The following RBFOX2 variants were observed in gnomAD, a reference collection of about 807,000 sequenced individuals.
The protein encoded by RBFOX2 is RNA binding fox-1 homolog 2.
In RBFOX2, 10 loss-of-function variants were observed where a neutral mutation model predicts 49.1. The observed-to-expected ratio is 0.20, with a 90% confidence interval of 0.13 to 0.35. The LOEUF (loss-of-function observed/expected upper bound fraction) is 0.35, where lower values mean the gene tolerates loss of function less well. Ranked by LOEUF, RBFOX2 falls within the 10% of genes least tolerant of loss-of-function variation. RBFOX2 has a pLI of 1.00. For missense variants in RBFOX2, 323 were observed against 486.9 expected, an observed-to-expected ratio of 0.66 and a Z score of 3.17; for synonymous variants, 183 against 187.4, an observed-to-expected ratio of 0.98 and a Z score of 0.19.
intron 1 of RBFOX2, among the ~76,000 whole-genome samples, chr22:35,855,550 C>T (rs1361738155): frequency 2.0e-5 from 3 of 152,042 alleles, no homozygotes; most frequent in South Asian, 2.1e-4. Context: ...GAACTACAGG[C>T]GCATGTCATG....
chr22:35,797,891 G>A (rs753054996), intron 2 of RBFOX2, among the ~76,000 whole-genome samples: 14 of 152,118 alleles, frequency 9.2e-5, no homozygotes, highest in Admixed American at 2.0e-4. Context: ...CACTGTTTAG[G>A]AGAAGTAGTA....
intron 1 of RBFOX2, among the ~76,000 whole-genome samples, chr22:35,908,844 A>AT (rs555305648): frequency 0.013 from 1,737 of 137,700 alleles, 13 homozygotes; most frequent in South Asian, 0.034. Flanking sequence ...TTTCTCATCT[A>AT]TTTTTTTTTT....
At chr22:35,743,906 G>C in exon 12 of RBFOX2, 1 of 324,400 alleles carries the variant, frequency 3.1e-6, no homozygotes. Flanking sequence ...GCTAAGCACG[G>C]ACATACAGAC....
At chr22:35,979,189 T>G (rs150726941) in intron 1 of RBFOX2, among the ~76,000 whole-genome samples, 4 of 152,276 alleles carry the variant, frequency 2.6e-5, no homozygotes, top group African/African-American at 9.6e-5. Context: ...TGGACCCAGA[T>G]CTAGACTCTT....
At chr22:35,812,605 T>A (rs776143335) in intron 1 of RBFOX2, among the ~76,000 whole-genome samples, 2 of 152,350 alleles carry the variant, frequency 1.3e-5, no homozygotes, top group African/African-American at 2.4e-5. Context: ...TCAGGTGGAC[T>A]GGTGAATGAA....
exon 1 of RBFOX2, chr22:35,961,578 G>A: frequency 7.7e-7 from 1 of 1,303,812 alleles, no homozygotes; most frequent in Non-Finnish European, 1.0e-6. Context: ...AGGGGTTCCT[G>A]GGCTGGTCCA....
chr22:35,906,782 C>T (rs2049170498), intron 1 of RBFOX2, among the ~76,000 whole-genome samples: 1 of 151,932 alleles, frequency 6.6e-6, no homozygotes, highest in Admixed American at 6.6e-5. Flanking sequence ...GCCACTGCAT[C>T]CCAGCCTGGC....
At chr22:35,913,011 T>C (rs1569483611) in intron 1 of RBFOX2, among the ~76,000 whole-genome samples, 1 of 152,246 alleles carries the variant, frequency 6.6e-6, no homozygotes, top group Non-Finnish European at 1.5e-5. Context: ...ATTTCAATTG[T>C]TAATGGTTTT....
intron 2 of RBFOX2, among the ~76,000 whole-genome samples, chr22:35,806,733 A>G (rs139552953): frequency 1.3e-5 from 2 of 152,364 alleles, no homozygotes; most frequent in African/African-American, 4.8e-5. Context: ...ATGCAAATTG[A>G]CCAAATGCTC....
At chr22:35,945,582 A>C (rs2054190597) in intron 1 of RBFOX2, among the ~76,000 whole-genome samples, 1 of 152,122 alleles carries the variant, frequency 6.6e-6, no homozygotes, top group Non-Finnish European at 1.5e-5. Context: ...CTGGGACTAC[A>C]GGCATGTGCC....
intron 1 of RBFOX2, among the ~76,000 whole-genome samples, chr22:35,894,554 C>T (rs1603441825): frequency 6.6e-6 from 1 of 152,174 alleles, no homozygotes; most frequent in African/African-American, 2.4e-5. Context: ...CTTCTCCAAA[C>T]CTACCAAGCC....
In RBFOX2 at chr22:35,973,981, C is replaced by T. The variant is rs111971393; in HGVS notation, c.187-35084G>A. On this transcript the variant is annotated intron_variant, in intron 1 of 13. Coordinates refer to the RBFOX2 transcript ENST00000438146. Reference sequence around the variant, plus strand: ...TTAAGACTACATGAGGTGGGGTTCCCGAAACAGCAGGGTCACATTTCCTCC... The same window carrying T: ...TTAAGACTACATGAGGTGGGGTTCCTGAAACAGCAGGGTCACATTTCCTCC... Among the ~76,000 whole-genome samples the T allele has an allele frequency of 5.7e-3, 873 of 152,202 alleles. 14 individuals carry two copies. Among genetic ancestry groups the T allele is most frequent in the African/African-American group, 0.018 (743 of 41,508 alleles).
intron 1 of RBFOX2, among the ~76,000 whole-genome samples, chr22:35,869,603 C>T (rs559284117): frequency 1.0e-4 from 15 of 149,478 alleles, no homozygotes; most frequent in Non-Finnish European, 1.9e-4. Context: ...GGATTCTAGG[C>T]GTGAGCCTTT....
At chr22:35,747,467 C>A (rs1036618594) in intron 9 of RBFOX2, 1 of 152,210 alleles carries the variant, frequency 6.6e-6, no homozygotes, top group East Asian at 1.9e-4. Flanking sequence ...GAATTTCAAA[C>A]CATCACATCC....
intron 1 of RBFOX2, 145 bp from the exon 3 acceptor site, chr22:35,810,149 A>G (rs1951572694): frequency 2.9e-6 from 2 of 696,222 alleles, no homozygotes; most frequent in Non-Finnish European, 4.8e-6. Context: ...TGGAGAAAAT[A>G]TTATTACACA....
At chr22:35,831,239 C>A (rs544173307) in intron 1 of RBFOX2, among the ~76,000 whole-genome samples, 1 of 152,200 alleles carries the variant, frequency 6.6e-6, no homozygotes, top group African/African-American at 2.4e-5. Flanking sequence ...GTCAGGAGAT[C>A]GAGACCATCC....
At chr22:35,764,378 G>A (rs569656405) in intron 6 of RBFOX2, among the ~76,000 whole-genome samples, 76 of 152,032 alleles carry the variant, frequency 5.0e-4, no homozygotes, top group Non-Finnish European at 7.7e-4. Context: ...AGGTCAGGAG[G>A]TTGAGACCAT....
chr22:35,995,845 CA>C (rs1300715128), intron 1 of RBFOX2: 1 of 152,310 alleles, frequency 6.6e-6, no homozygotes, highest in Non-Finnish European at 1.5e-5. Context: ...ACTAATACAC[CA>C]ACAAGAAAAT....
chr22:35,980,816 C>T (rs1603461589), intron 1 of RBFOX2, among the ~76,000 whole-genome samples: 1 of 152,166 alleles, frequency 6.6e-6, no homozygotes, highest in East Asian at 1.9e-4. Flanking sequence ...GAAAGGACAT[C>T]TTCCAGACTG....
Sources: allele counts gnomAD v4.1 joint callset (sites outside exome capture counted in the v4.1 genomes callset), GRCh38; gene constraint gnomAD v4.1.1; transcripts MANE v1.5; gene names NCBI Gene and HGNC (gene_info 2026-07-23, HGNC 2026-07-21).